The following ELAVL4 variants were observed in gnomAD, a reference collection of about 807,000 sequenced individuals.
ELAVL4 encodes ELAV like RNA binding protein 4, also known as ELAV-like protein 4.
Under a neutral mutation model 35.6 loss-of-function variants are expected in ELAVL4, and 1 was observed. The observed-to-expected ratio is 0.03, with a 90% CI of 0.01 to 0.13. The LOEUF (loss-of-function observed/expected upper bound fraction) is 0.13. ELAVL4 is among the 10% of genes least tolerant of loss of function. The pLI is 1.00. For missense variants in ELAVL4, 267 were observed against 464.9 expected (o/e 0.57, Z 3.91); for synonymous variants, 156 against 171.0 (o/e 0.91, Z 0.69).
intron 2 of ELAVL4, among the ~76,000 whole-genome samples, 163 bp from the exon 3 acceptor site, chr1:50,176,926 G>A (rs1160928470): frequency 6.6e-6 from 1 of 152,142 alleles, no homozygotes; most frequent in Non-Finnish European, 1.5e-5. Context: ...TCAATCTGGG[G>A]GTAAACCCTG....
chr1:50,102,299 T>A (rs200144169), upstream of ELAVL4, among the ~76,000 whole-genome samples: 3 of 16,888 alleles, frequency 1.8e-4, no homozygotes, highest in Non-Finnish European at 1.6e-3. Flanking sequence ...AATAAAATAA[T>A]AAAATAAAAT....
intron 3 of ELAVL4, among the ~76,000 whole-genome samples, chr1:50,184,349 T>C (rs1681504131): frequency 6.7e-6 from 1 of 150,114 alleles, no homozygotes; most frequent in African/African-American, 2.5e-5. Context: ...CTGGGGGCTT[T>C]AGCTGTCTTC....
intron 1 of ELAVL4, among the ~76,000 whole-genome samples, chr1:50,129,385 T>TG (rs1434597103): frequency 6.6e-6 from 1 of 152,112 alleles, no homozygotes; most frequent in Non-Finnish European, 1.5e-5. Flanking sequence ...GCTGTCAGTA[T>TG]GCAGAGTGCA....
At chr1:50,050,786 A>T (rs548518472) in intron 1 of ELAVL4, among the ~76,000 whole-genome samples, 70 of 152,326 alleles carry the variant, frequency 4.6e-4, no homozygotes, top group Non-Finnish European at 5.4e-4. Context: ...TATAATATCC[A>T]TCCATTATTC....
chr1:50,135,624 T>A (rs1307619620), intron 1 of ELAVL4, among the ~76,000 whole-genome samples: 2 of 152,202 alleles, frequency 1.3e-5, no homozygotes, highest in African/African-American at 4.8e-5. Flanking sequence ...TTGAATTGAA[T>A]ACACTTGTTT....
intron 1 of ELAVL4, chr1:50,048,251 G>C: frequency 7.0e-7 from 1 of 1,430,482 alleles, no homozygotes; most frequent in Non-Finnish European, 9.2e-7. Flanking sequence ...CACCCGCTGG[G>C]CCACGTGGTC....
At chr1:50,119,092 G>GAAAGAAAGAAAGAA (rs1553170385) in intron 1 of ELAVL4, among the ~76,000 whole-genome samples, 3 of 103,790 alleles carry the variant, frequency 2.9e-5, no homozygotes, top group Admixed American at 9.4e-5. Context: ...AAGAAAGAAA[G>GAAAGAAAGAAAGAA]AAAAAGAAAA....
chr1:50,055,331 G>A (rs1001705873), intron 1 of ELAVL4, among the ~76,000 whole-genome samples: 5 of 151,320 alleles, frequency 3.3e-5, no homozygotes, highest in African/African-American at 1.2e-4. Flanking sequence ...ACAGAGTCTC[G>A]CTCTTTCTCC....
intron 3 of ELAVL4, among the ~76,000 whole-genome samples, chr1:50,181,482 C>T (rs574673137): frequency 6.6e-6 from 1 of 152,258 alleles, no homozygotes; most frequent in South Asian, 2.1e-4. Flanking sequence ...CCATGTGAGT[C>T]AGAGAGCTAT....
chr1:50,191,531 C>G (rs546330312), intron 3 of ELAVL4, among the ~76,000 whole-genome samples: 1 of 152,072 alleles, frequency 6.6e-6, no homozygotes, highest in Non-Finnish European at 1.5e-5. Context: ...AGGTATCAGG[C>G]TATGTGCTGG....
chr1:50,154,938 GAA>G (rs1375168844), intron 2 of ELAVL4, among the ~76,000 whole-genome samples: 11 of 152,064 alleles, frequency 7.2e-5, no homozygotes, highest in African/African-American at 2.7e-4. Context: ...AATGGATATA[GAA>G]TGGTAAAAGG....
At chr1:50,090,465 A>T (rs1220385331) in intron 1 of ELAVL4, among the ~76,000 whole-genome samples, 1 of 152,172 alleles carries the variant, frequency 6.6e-6, no homozygotes, top group African/African-American at 2.4e-5. Context: ...CAATTGAAAA[A>T]AAAAATTGAA....
intron 2 of ELAVL4, 100 bp from the exon 3 acceptor site, chr1:50,176,989 G>C (rs546559728): frequency 4.4e-6 from 4 of 914,194 alleles, no homozygotes; most frequent in African/African-American, 3.3e-5. Context: ...GCAGTGGGAA[G>C]TGTTGCCTCT....
At chr1:50,116,724 T>G (rs1169827749) in intron 1 of ELAVL4, among the ~76,000 whole-genome samples, 1 of 152,088 alleles carries the variant, frequency 6.6e-6, no homozygotes, top group Non-Finnish European at 1.5e-5. Context: ...CTAATGAAGC[T>G]TTCCTTAGGA....
At chr1:50,104,404 A>G (rs1666152097), upstream of ELAVL4, among the ~76,000 whole-genome samples, 1 of 152,250 alleles carries the variant, frequency 6.6e-6, no homozygotes, top group African/African-American at 2.4e-5. Flanking sequence ...TCATACAACC[A>G]GAATTTGATG....
chr1:50,077,019 A>G (rs1664793417), intron 1 of ELAVL4, among the ~76,000 whole-genome samples: 2 of 151,506 alleles, frequency 1.3e-5, no homozygotes, highest in South Asian at 2.1e-4. Flanking sequence ...AGTAAATGGG[A>G]TGTTTCTCTC....
intron 1 of ELAVL4, among the ~76,000 whole-genome samples, chr1:50,133,643 G>GAAAGAAAGAAAGAAAGAA (rs1553174587): frequency 6.7e-6 from 1 of 148,408 alleles, no homozygotes; most frequent in African/African-American, 2.5e-5. Context: ...AAGAAAGAAA[G>GAAAGAAAGAAAGAAAGAA]AAAGAAAGAG....
intron 1 of ELAVL4, among the ~76,000 whole-genome samples, chr1:50,127,836 G>A (rs1245972025): frequency 6.6e-6 from 1 of 152,146 alleles, no homozygotes; most frequent in Admixed American, 6.6e-5. Context: ...TAACTATTAT[G>A]CTATGCAATT....
upstream of ELAVL4, among the ~76,000 whole-genome samples, chr1:50,103,013 T>C (rs1038990144): frequency 6.6e-6 from 1 of 152,158 alleles, no homozygotes; most frequent in African/African-American, 2.4e-5. Flanking sequence ...AAGAGTATGG[T>C]CAAAGGCACA....
Sources: gnomAD v4.1 joint callset for allele counts (sites outside exome capture counted in the v4.1 genomes callset) on GRCh38, gnomAD v4.1.1 for gene constraint, MANE v1.5 for transcripts, NCBI Gene and HGNC (gene_info 2026-07-23, HGNC 2026-07-21) for gene names.